The following ZNF704 variants were observed in gnomAD, a reference collection of about 807,000 sequenced individuals.
The protein encoded by ZNF704 is zinc finger protein 704.
A neutral mutation model predicts 44.7 loss-of-function variants in ZNF704; 10 were observed. The ratio of observed to expected loss-of-function variants is 0.22; its 90% CI spans 0.14 to 0.38. The LOEUF is 0.38. ZNF704 is among the 10% of genes least tolerant of loss of function. ZNF704 has a pLI of 1.00. For synonymous variants in ZNF704, 211 were observed against 207.6 expected, an observed-to-expected ratio of 1.02 and a Z score of -0.14; for missense variants, 390 against 545.5, an observed-to-expected ratio of 0.71 and a Z score of 2.84.
intron 1 of ZNF704, among the ~76,000 whole-genome samples, chr8:80,823,061 A>T (rs1808306764): frequency 6.6e-6 from 1 of 152,150 alleles, no homozygotes; most frequent in Non-Finnish European, 1.5e-5. Context: ...CAACTGAGGT[A>T]CCAGGTTCAT....
At chr8:80,858,405 T>C (rs1040046326) in intron 1 of ZNF704, among the ~76,000 whole-genome samples, 3 of 152,226 alleles carry the variant, frequency 2.0e-5, no homozygotes, top group African/African-American at 7.2e-5. Context: ...TAATCACTTG[T>C]GACTTCTTCT....
At chr8:80,652,510 C>G (rs1585924383) in intron 7 of ZNF704, among the ~76,000 whole-genome samples, 1 of 152,232 alleles carries the variant, frequency 6.6e-6, no homozygotes, top group African/African-American at 2.4e-5. Flanking sequence ...CACAGAAATA[C>G]AAACTACCAT....
intron 2 of ZNF704, among the ~76,000 whole-genome samples, chr8:80,725,933 A>T (rs1181518826): frequency 6.6e-6 from 1 of 152,214 alleles, no homozygotes; most frequent in Non-Finnish European, 1.5e-5. Flanking sequence ...TTTTCTAAAC[A>T]AATGTCTAAT....
intron 1 of ZNF704, among the ~76,000 whole-genome samples, chr8:80,831,364 A>AT (rs138198292): frequency 0.013 from 1,977 of 151,874 alleles, 23 homozygotes; most frequent in Middle Eastern, 0.024. Context: ...GGGTGCTTTT[A>AT]TTTTTTTTCC....
chr8:80,751,595 A>C (rs1806944832), intron 2 of ZNF704, among the ~76,000 whole-genome samples: 1 of 152,160 alleles, frequency 6.6e-6, no homozygotes, highest in South Asian at 2.1e-4. Flanking sequence ...TCTCCTTTGC[A>C]TTTTCCCAAT....
intron 2 of ZNF704, among the ~76,000 whole-genome samples, chr8:80,710,600 G>C (rs1403915087): frequency 6.6e-6 from 1 of 152,176 alleles, no homozygotes; most frequent in African/African-American, 2.4e-5. Context: ...CATGAAGGTA[G>C]AGCCCCCAGG....
intron 2 of ZNF704, among the ~76,000 whole-genome samples, chr8:80,736,430 C>T (rs991447273): frequency 6.6e-6 from 1 of 152,198 alleles, no homozygotes; most frequent in Admixed American, 6.5e-5. Context: ...CAGGCACGCG[C>T]CACCACGCCC....
intron 2 of ZNF704, among the ~76,000 whole-genome samples, chr8:80,707,387 G>A (rs147579324): frequency 1.8e-4 from 27 of 152,150 alleles, no homozygotes; most frequent in African/African-American, 5.5e-4. Flanking sequence ...ATAATATATG[G>A]ATTATAGGCC....
At chr8:80,862,487 C>G (rs1008145346) in intron 1 of ZNF704, among the ~76,000 whole-genome samples, 12 of 150,478 alleles carry the variant, frequency 8.0e-5, no homozygotes, top group African/African-American at 3.0e-4. Context: ...CACAGTGGCT[C>G]ACATCTGTAA....
At chr8:80,849,163 G>C (rs78635682) in intron 1 of ZNF704, among the ~76,000 whole-genome samples, 2,105 of 152,216 alleles carry the variant, frequency 0.014, 67 homozygotes, top group African/African-American at 0.049. Context: ...AAAATGCATA[G>C]ACTTGTTTCT....
chr8:80,743,502 G>C (rs1806797510), intron 2 of ZNF704, among the ~76,000 whole-genome samples: 1 of 152,242 alleles, frequency 6.6e-6, no homozygotes, highest in African/African-American at 2.4e-5. Flanking sequence ...TCTGGAGAGA[G>C]AGAATCACAT....
chr8:80,819,784 A>G (rs561696127), intron 2 of ZNF704, among the ~76,000 whole-genome samples: 1 of 152,316 alleles, frequency 6.6e-6, no homozygotes, highest in African/African-American at 2.4e-5. Flanking sequence ...AGTAATGAAT[A>G]CGTGAAAATT....
chr8:80,657,493 G>T (rs1818034087), intron 7 of ZNF704, among the ~76,000 whole-genome samples: 1 of 152,094 alleles, frequency 6.6e-6, no homozygotes, highest in Non-Finnish European at 1.5e-5. Context: ...AGGAGTTCAA[G>T]ACCAGCCTGG....
intron 2 of ZNF704, among the ~76,000 whole-genome samples, chr8:80,788,697 T>C (rs1807655186): frequency 1.3e-5 from 2 of 152,202 alleles, no homozygotes; most frequent in South Asian, 4.1e-4. Flanking sequence ...ACAAGGAGTC[T>C]GGGCCTTTAC....
chr8:80,685,560 C>T (rs1818521590), intron 4 of ZNF704, among the ~76,000 whole-genome samples: 1 of 152,192 alleles, frequency 6.6e-6, no homozygotes, highest in Non-Finnish European at 1.5e-5. Flanking sequence ...AAGTGCCAGC[C>T]TCTCTCCCCT....
intron 5 of ZNF704, among the ~76,000 whole-genome samples, chr8:80,669,135 CT>C (rs1818240129): frequency 6.6e-6 from 1 of 152,172 alleles, no homozygotes; most frequent in Non-Finnish European, 1.5e-5. Context: ...ACAGCATATG[CT>C]TCTGATGGGA....
chr8:80,847,431 T>C (rs1808785497), intron 1 of ZNF704, among the ~76,000 whole-genome samples: 1 of 152,208 alleles, frequency 6.6e-6, no homozygotes, highest in South Asian at 2.1e-4. Flanking sequence ...ATGTAATTTC[T>C]ATCAAAATTC....
chr8:80,633,418 C>T lies in ZNF704; in HGVS notation c.*7948G>A, dbSNP rs1314834297. 6.6e-6 allele frequency: 1 copy of T among 152,172 alleles called. No homozygotes were observed. The highest frequency in any genetic ancestry group is 6.5e-5 in the Admixed American group (1 of 15,278). The allele number at this position is 152,172 out of a possible 1,614,324, so 9.4% of individuals were successfully genotyped here. ...GATCTGCTACAGTAAAGGGATTCAT[C>T]TGGGGATAAATCAGTTTGCACTTGG... On this transcript the variant is annotated 3_prime_UTR_variant, in exon 9 of 9. Coordinates refer to ENST00000327835, the MANE Select transcript of ZNF704 (RefSeq NM_001033723.3).
chr8:80,861,991 C>CTTTTTTTTTTTT (rs71266093), intron 1 of ZNF704, among the ~76,000 whole-genome samples: 6 of 92,994 alleles, frequency 6.5e-5, no homozygotes, highest in African/African-American at 3.2e-4. Context: ...AAAAAATAAC[C>CTTTTTTTTTTTT]TTTTTTTTTT....
Sources: gnomAD v4.1 joint callset for allele counts (sites outside exome capture counted in the v4.1 genomes callset) on GRCh38, gnomAD v4.1.1 for gene constraint, MANE v1.5 for transcripts, NCBI Gene and HGNC (gene_info 2026-07-23, HGNC 2026-07-21) for gene names.